Variants in RGS8 observed in about 807,000 individuals in gnomAD.
RGS8 encodes regulator of G protein signaling 8.
RGS8 carries 8 observed loss-of-function variants against 21.7 expected under a neutral mutation model. The ratio of observed to expected loss-of-function variants is 0.37; its 90% CI spans 0.22 to 0.66. The LOEUF is 0.66. Among genes scored for constraint, RGS8 ranks in the 30% least tolerant of loss-of-function variants. The probability of loss-of-function intolerance (pLI) is 0.59; values close to 1 mark genes in which losing one functional copy is unlikely to be tolerated. For missense variants in RGS8, 157 were observed against 217.9 expected, an observed-to-expected ratio of 0.72 and a Z score of 1.76; for synonymous variants, 80 against 83.6, an observed-to-expected ratio of 0.96 and a Z score of 0.24.
chr1:182,676,275 GC>G (rs1390769317), upstream of RGS8, among the ~76,000 whole-genome samples: 3 of 152,172 alleles, frequency 2.0e-5, no homozygotes, highest in Admixed American at 1.3e-4. Context: ...GAGGTTTATT[GC>G]CAAATGCCCC....
the RGS8 span, among the ~76,000 whole-genome samples, chr1:182,697,847 T>C: frequency 2.0e-5 from 3 of 152,242 alleles, no homozygotes; most frequent in African/African-American, 7.2e-5. Flanking sequence ...TAGAATATTG[T>C]AACTGTAGTG....
chr1:182,748,995 G>A, the RGS8 span, among the ~76,000 whole-genome samples: 1 of 152,092 alleles, frequency 6.6e-6, no homozygotes, highest in African/African-American at 2.4e-5. Context: ...TATTTTGAAT[G>A]TTAACTCTGA....
At chr1:182,658,838 C>A (rs1441564715) in intron 5 of RGS8, among the ~76,000 whole-genome samples, 1 of 152,156 alleles carries the variant, frequency 6.6e-6, no homozygotes, top group Non-Finnish European at 1.5e-5. Context: ...CAGAGCAAGA[C>A]CCTGTCTCTA....
downstream of RGS8, chr1:182,642,147 C>G (rs542151601): frequency 3.2e-4 from 49 of 152,396 alleles, no homozygotes; most frequent in African/African-American, 1.2e-3. Flanking sequence ...GTGGCCCCAT[C>G]CTGAAATCTC....
the RGS8 span, among the ~76,000 whole-genome samples, chr1:182,732,298 CA>C: frequency 1.3e-5 from 2 of 151,956 alleles, no homozygotes; most frequent in Admixed American, 1.3e-4. Flanking sequence ...CACACACACA[CA>C]CACCCACTGT....
the RGS8 span, among the ~76,000 whole-genome samples, chr1:182,724,246 A>ATCTATC: frequency 1.9e-5 from 2 of 107,176 alleles, no homozygotes; most frequent in African/African-American, 7.3e-5. Context: ...ATATATATAT[A>ATCTATC]TCCTATTATT....
At chr1:182,738,473 G>A in the RGS8 span, among the ~76,000 whole-genome samples, 1 of 152,068 alleles carries the variant, frequency 6.6e-6, no homozygotes, top group African/African-American at 2.4e-5. Context: ...ATATATTTTA[G>A]GCTTATCATT....
chr1:182,677,753 C>T (rs1490956391), upstream of RGS8, among the ~76,000 whole-genome samples: 2 of 152,178 alleles, frequency 1.3e-5, no homozygotes, highest in Non-Finnish European at 2.9e-5. Context: ...TTATACTCCC[C>T]CTTCTAAGTG....
chr1:182,700,118 G>A, the RGS8 span, among the ~76,000 whole-genome samples: 24 of 152,340 alleles, frequency 1.6e-4, no homozygotes, highest in African/African-American at 5.5e-4. Context: ...CCGCCGAGGG[G>A]AGAACTAGCT....
chr1:182,675,552 C>A (rs1268133240), upstream of RGS8, among the ~76,000 whole-genome samples: 1 of 152,196 alleles, frequency 6.6e-6, no homozygotes, highest in Non-Finnish European at 1.5e-5. Flanking sequence ...CTTGTCCTGC[C>A]TGACAATGAG....
chr1:182,737,977 G>T, the RGS8 span, among the ~76,000 whole-genome samples: 18 of 152,154 alleles, frequency 1.2e-4, no homozygotes, highest in Non-Finnish European at 2.2e-4. Flanking sequence ...GAGAAACCTT[G>T]ACCCAGAGAA....
At chr1:182,740,446 TG>T in the RGS8 span, among the ~76,000 whole-genome samples, 2 of 151,656 alleles carry the variant, frequency 1.3e-5, no homozygotes, top group African/African-American at 4.9e-5. Context: ...ATTTTACCAA[TG>T]AGCAAAACTG....
chr1:182,646,754 C>G (rs1163476413), exon 7 of RGS8: 1 of 1,613,450 alleles, frequency 6.2e-7, no homozygotes, highest in African/African-American at 1.3e-5. Context: ...CCTCCTCTGG[C>G]TTTGGGACAG....
chr1:182,672,054 G>A (rs1664192016), upstream of RGS8: 4 of 460,484 alleles, frequency 8.7e-6, no homozygotes, highest in Admixed American at 4.4e-5. Flanking sequence ...TCCTCTGGCT[G>A]CAGCTCAGGG....
At chr1:182,662,667 G>A (rs1015824854) in intron 5 of RGS8, among the ~76,000 whole-genome samples, 3 of 152,214 alleles carry the variant, frequency 2.0e-5, no homozygotes, top group African/African-American at 7.2e-5. Context: ...AATTGAAGAG[G>A]AGCACTGATG....
exon 7 of RGS8, chr1:182,646,634 T>A: frequency 1.6e-4 from 151 of 950,986 alleles, no homozygotes; most frequent in Middle Eastern, 2.5e-4. Flanking sequence ...CCACCCCCAA[T>A]GCCACCGCTT....
chr1:182,674,430 T>C (rs1394294855), upstream of RGS8, among the ~76,000 whole-genome samples: 2 of 152,004 alleles, frequency 1.3e-5, no homozygotes, highest in Admixed American at 1.3e-4. Context: ...TGGACATGAA[T>C]AACACAAGGA....
chr1:182,701,193 C>G, the RGS8 span, among the ~76,000 whole-genome samples: 1 of 152,168 alleles, frequency 6.6e-6, no homozygotes, highest in East Asian at 1.9e-4. Context: ...AACAGGCAAC[C>G]ATTGCATTTC....
exon 4 of RGS8, chr1:182,666,895 T>C (rs1390707364): frequency 1.2e-6 from 2 of 1,614,100 alleles, no homozygotes; most frequent in East Asian, 4.5e-5. Context: ...TGGGTTTGTC[T>C]GGAAGAATAG....
Sources: allele counts gnomAD v4.1 joint callset (sites outside exome capture counted in the v4.1 genomes callset), GRCh38; gene constraint gnomAD v4.1.1; transcripts MANE v1.5; gene names NCBI Gene and HGNC (gene_info 2026-07-23, HGNC 2026-07-21).